KLHL11: variants seen among roughly 807,000 people sequenced by gnomAD.
The protein encoded by KLHL11 is kelch-like protein 11.
Under a neutral mutation model 56.1 loss-of-function variants are expected in KLHL11, and 26 were observed. The observed-to-expected ratio is 0.46, with a 90% confidence interval of 0.34 to 0.64. The LOEUF (loss-of-function observed/expected upper bound fraction) is 0.64, where lower values mean the gene tolerates loss of function less well. Ranked by LOEUF, KLHL11 falls within the 30% of genes least tolerant of loss-of-function variation. KLHL11 has a pLI of 0.01. For synonymous variants in KLHL11, 338 were observed against 345.8 expected (o/e 0.98, Z 0.25); for missense variants, 627 against 919.4 (o/e 0.68, Z 4.11).
chr17:41,856,879 G>A (rs1339020046), intron 1 of KLHL11, among the ~76,000 whole-genome samples: 2 of 152,184 alleles, frequency 1.3e-5, no homozygotes, highest in Admixed American at 1.3e-4. Context: ...AATTAGCTGG[G>A]CATGGTGGTG....
intron 1 of KLHL11, among the ~76,000 whole-genome samples, chr17:41,855,598 G>A (rs2048359841): frequency 6.6e-6 from 1 of 151,806 alleles, no homozygotes; most frequent in African/African-American, 2.4e-5. Flanking sequence ...TCAAACTCCT[G>A]ACCTCAAAGT....
chr17:41,864,787 G>A (rs543516002), intron 1 of KLHL11, 39 bp downstream of exon 1: 52 of 1,478,002 alleles, frequency 3.5e-5, no homozygotes, highest in South Asian at 2.2e-4. Flanking sequence ...CCCCCTCTCC[G>A]CGCCCGCCGC....
Position 41,854,268 on chromosome 17 carries a change from C to T in KLHL11, c.1599G>A (p.Gln533=). 6.2e-7 allele frequency: 1 copy of T among 1,614,242 alleles called. No homozygotes were observed. The highest frequency in any genetic ancestry group is 8.5e-7 in the Non-Finnish European group (1 of 1,180,044). Residue 533 remains glutamine, a synonymous_variant, in exon 2 of 2, where the codon CAG becomes CAA. Coordinates refer to ENST00000319121, the MANE Select transcript of KLHL11 (RefSeq NM_018143.3). This position sits in a 1 kb window ranked among gnomAD's most constrained non-coding sequence, Gnocchi z 4.9. The stretch of plus-strand genomic sequence containing the variant: ...GCGGCAAAGATTCCACATCTTGCCA[C>T]TGTCGAGTCTCTGTATCATAGCAAG... ...VITCYDTETR[Q]WQDVESLPLI... is the part of the protein sequence containing the mutation.
chr17:41,863,005 C>G (rs1480179568), intron 1 of KLHL11, among the ~76,000 whole-genome samples: 2 of 152,028 alleles, frequency 1.3e-5, no homozygotes, highest in African/African-American at 4.8e-5. Context: ...TTATACCCCA[C>G]GTCAAATCCA....
At chr17:41,859,415 A>T (rs1036324120) in intron 1 of KLHL11, among the ~76,000 whole-genome samples, 2 of 152,048 alleles carry the variant, frequency 1.3e-5, no homozygotes, top group African/African-American at 4.8e-5. Context: ...AATACAAAAA[A>T]TTAGCTGGGC....
At chr17:41,855,536 A>G (rs992238018) in intron 1 of KLHL11, among the ~76,000 whole-genome samples, 70 of 151,930 alleles carry the variant, frequency 4.6e-4, no homozygotes, top group African/African-American at 1.7e-3. Flanking sequence ...TGTCCAGCTA[A>G]TTTTTGTATT....
At chr17:41,864,765 C>CA (rs759906688) in intron 1 of KLHL11, 61 bp downstream of exon 1, 71 of 1,442,322 alleles carry the variant, frequency 4.9e-5, no homozygotes, top group Non-Finnish European at 6.4e-5. Flanking sequence ...TCCCCTCCGC[C>CA]AGCGAGCATC....
chr17:41,858,970 C>A (rs2048385792), intron 1 of KLHL11, among the ~76,000 whole-genome samples: 1 of 152,156 alleles, frequency 6.6e-6, no homozygotes, highest in Admixed American at 6.5e-5. Flanking sequence ...TCTGCTCAGT[C>A]AGATATCAGA....
chr17:41,858,769 A>G (rs2048384479), intron 1 of KLHL11, among the ~76,000 whole-genome samples: 1 of 151,460 alleles, frequency 6.6e-6, no homozygotes, highest in Admixed American at 6.6e-5. Flanking sequence ...TTTTTTGTAG[A>G]GACAAGGTTT....
At chr17:41,859,843 A>G (rs2048391971) in intron 1 of KLHL11, among the ~76,000 whole-genome samples, 1 of 152,310 alleles carries the variant, frequency 6.6e-6, no homozygotes, top group Middle Eastern at 3.4e-3. Context: ...AAAAACCACA[A>G]TCGTTTCAGA....
chr17:41,864,781 C>T (rs369753403), intron 1 of KLHL11, 45 bp downstream of exon 1: 7 of 1,479,730 alleles, frequency 4.7e-6, no homozygotes, highest in South Asian at 2.7e-5. Context: ...GCATCTCCCC[C>T]TCTCCGCGCC....
At position 41,857,962 on chromosome 17, in the gene KLHL11, G is replaced by A. The variant is rs369844351; in HGVS notation, c.546-2641C>T. On this transcript the variant is annotated intron_variant, in intron 1 of 1. Transcript: ENST00000319121. ...CTCCCGAGTAGCTGGGATTACAGGCGCGCGCCACCACATCTGGCTAATTTG... is the reference window on the plus strand; with the variant it reads ...CTCCCGAGTAGCTGGGATTACAGGCACGCGCCACCACATCTGGCTAATTTG... Among the ~76,000 whole-genome samples, 25 of 151,790 alleles carry A rather than the reference G, an allele frequency of 1.6e-4. No individual in the cohort carries two copies. The South Asian group carries it at 4.0e-3, about 24-fold the overall frequency.
At position 41,854,868 on chromosome 17, in the gene KLHL11, A is replaced by G. The variant is rs574300553; in HGVS notation, c.999T>C (p.Ala333=). 4.3e-6 allele frequency: 7 copies of G among 1,614,246 alleles called. No individual in the cohort carries two copies. The South Asian group carries it at 7.7e-5, about 18-fold the overall frequency. The change falls in exon 2 of 2, where the codon GCT becomes GCC. Residue 333 remains alanine, a synonymous_variant. Transcript: ENST00000319121. The surrounding 1 kb of genome is among the most constrained non-coding windows in gnomAD (Gnocchi z 4.9). Reference sequence around the variant, plus strand: ...GGCATGTGCCAGATTGTATATTCTCAGCTCTCAGAGCATGTCTCTCCACTG... The same window carrying G: ...GGCATGTGCCAGATTGTATATTCTCGGCTCTCAGAGCATGTCTCTCCACTG... The part of the protein sequence containing the change: ...ADAVERHALR[A]ENIQSGTCQH...
At chr17:41,858,646 C>CT (rs1367772924) in intron 1 of KLHL11, among the ~76,000 whole-genome samples, 12 of 152,140 alleles carry the variant, frequency 7.9e-5, no homozygotes, top group Middle Eastern at 3.4e-3. Context: ...GTTGGCCAGG[C>CT]TGGGCTCGAA....
chr17:41,860,400 TG>T (rs1169029163), intron 1 of KLHL11, among the ~76,000 whole-genome samples: 15 of 9,966 alleles, frequency 1.5e-3, no homozygotes, highest in Non-Finnish European at 1.9e-3. Context: ...TTAGGGGTTT[TG>T]GGGGGGGTGG....
At position 41,853,617 on chromosome 17, in the gene KLHL11, T is replaced by C. The variant is rs1376040133; in HGVS notation, c.*123A>G. ...TTAGTTTTTAACTCTATTTCCTTTA[T>C]ATGGGGTAATAATCAGTTCATGTAG... On this transcript the variant is annotated 3_prime_UTR_variant, in exon 2 of 2. Transcript: ENST00000319121. The C allele has an allele frequency of 4.4e-6, 5 of 1,135,318 alleles. No individual in the cohort carries two copies. The highest frequency in any genetic ancestry group is 1.6e-5 in the African/African-American group (1 of 64,484). 70.3% of individuals were successfully genotyped at this position (1,135,318 alleles called of 1,614,324 possible). A position where few individuals can be genotyped will look rare whatever the true frequency, so the allele number is the denominator to read the frequency against.
In KLHL11 at chr17:41,851,011, C is replaced by T. The variant is rs1472643604; in HGVS notation, c.*2729G>A. ...TTCTCTTTTGGTATTTGATCACTAACAAGAAGATTAACTATAATGGACTAG... is the reference window on the plus strand; with the variant it reads ...TTCTCTTTTGGTATTTGATCACTAATAAGAAGATTAACTATAATGGACTAG... On this transcript the variant is annotated 3_prime_UTR_variant, in exon 2 of 2. Transcript: ENST00000319121. The T allele has an allele frequency of 6.6e-6, 1 of 151,608 alleles. No homozygotes were observed. Among genetic ancestry groups the T allele is most frequent in the Non-Finnish European group, 1.5e-5 (1 of 67,974 alleles). 9.4% of individuals were successfully genotyped at this position (151,608 alleles called of 1,614,324 possible). A position where few individuals can be genotyped will look rare whatever the true frequency, so the allele number is the denominator to read the frequency against.
rs1172871961 is a variant in KLHL11 at position 41,858,408 on chromosome 17, T to TTTGTTG, written c.546-3093_546-3088dup. Among the ~76,000 whole-genome samples the TTTGTTG allele has an allele frequency of 1.3e-3, 188 of 144,044 alleles. 2 individuals carry two copies. The highest frequency in any genetic ancestry group is 1.2e-3 in the East Asian group (6 of 4,994). The allele number at this position is 144,044 out of a possible 152,430, so 94.5% of individuals were successfully genotyped here. On this transcript the variant is annotated intron_variant, in intron 1 of 1. Transcript: ENST00000319121. The stretch of plus-strand genomic sequence containing the variant: ...AACCCAGATATATATATATATATTT[T>TTTGTTG]TTGTTGTTGTTGTTGTTGTTGTTGT...
At position 41,849,930 on chromosome 17, in the gene KLHL11, A is replaced by G. The variant is rs1555621896; in HGVS notation, c.*3810T>C. On this transcript the variant is annotated 3_prime_UTR_variant, in exon 2 of 2. Coordinates refer to ENST00000319121, the MANE Select transcript of KLHL11 (RefSeq NM_018143.3). ...TATAATAACTTCCTCTCTCTTCTAC[A>G]AACAAAAGCAAAAGCAACAAAACAA... The G allele has an allele frequency of 6.6e-6, 1 of 152,208 alleles. No homozygotes were observed. Among genetic ancestry groups the G allele is most frequent in the Non-Finnish European group, 1.5e-5 (1 of 68,036 alleles). 9.4% of individuals were successfully genotyped at this position (152,208 alleles called of 1,614,324 possible).
Sources: gnomAD v4.1 joint callset for allele counts (sites outside exome capture counted in the v4.1 genomes callset) on GRCh38, gnomAD v4.1.1 for gene constraint, Gnocchi (gnomAD v3.1) non-coding constraint, MANE v1.5 for transcripts, NCBI Gene and HGNC (gene_info 2026-07-23, HGNC 2026-07-21) for gene names.